ANXA5: variants seen among roughly 807,000 people sequenced by gnomAD.
ANXA5 encodes the protein annexin A5, also known as CBP-I.
Under a neutral mutation model 48.1 loss-of-function variants are expected in ANXA5, and 40 were observed. The observed-to-expected ratio is 0.83, with a 90% CI of 0.65 to 1.08. The LOEUF is 1.08. Ranked by LOEUF, ANXA5 falls within the 50% of genes least tolerant of loss-of-function variation. The pLI is 0.00. For synonymous variants in ANXA5, 113 were observed against 129.1 expected (o/e 0.88, Z 0.85); for missense variants, 357 against 376.8 (o/e 0.95, Z 0.44).
intron 5 of ANXA5, among the ~76,000 whole-genome samples, chr4:121,682,033 A>G (rs1471672741): frequency 2.0e-5 from 3 of 152,200 alleles, no homozygotes; most frequent in Non-Finnish European, 4.4e-5. Flanking sequence ...AACCAGTTAC[A>G]TAAATTTGTA....
At chr4:121,687,907 AT>A (rs1384540989) in intron 2 of ANXA5, among the ~76,000 whole-genome samples, 1 of 152,154 alleles carries the variant, frequency 6.6e-6, no homozygotes, top group African/African-American at 2.4e-5. Context: ...TTTAAGGAGG[AT>A]ACCCCTACTT....
chr4:121,668,482 C>G lies in ANXA5; in HGVS notation c.949G>C (p.Gly317Arg), dbSNP rs750064390. Residue 317 changes from glycine (G) to arginine (R), a missense_variant, in exon 13 of 13, where the codon GGA (glycine) becomes CGA (arginine). Gly to Arg is a moderately radical substitution (Grantham distance 125). Transcript: ENST00000296511. ...DYKKALLLLCGEDD is the reference protein window; with the variant it reads ...DYKKALLLLCREDD ...CCCGTGACACGTTAGTCATCTTCTC[C>G]ACAGAGCAGCAGAAGAGCTTTCTTA... is the stretch of plus-strand genomic sequence containing the variant. 3.7e-6 allele frequency: 6 copies of G among 1,613,390 alleles called. No individual in the cohort carries two copies. In the East Asian group the frequency reaches 1.3e-4, roughly 36 times the overall value.
chr4:121,681,767 T>C lies in ANXA5; in HGVS notation c.304-6A>G, dbSNP rs1247366722. ...TTTTCATTTGTTCCAGCTCCCTGTT[T>C]GGAGATTTTAATAGAGAAAACATGT... On this transcript the variant is annotated splice_region_variant and splice_polypyrimidine_tract_variant and intron_variant, in intron 5 of 12. Transcript: ENST00000296511. 6.2e-7 allele frequency: 1 copy of C among 1,603,132 alleles called. No individual in the cohort carries two copies. The highest frequency in any genetic ancestry group is 1.3e-5 in the African/African-American group (1 of 74,620).
At chr4:121,680,126 A>G (rs770113531) in intron 6 of ANXA5, among the ~76,000 whole-genome samples, 4 of 152,188 alleles carry the variant, frequency 2.6e-5, no homozygotes, top group African/African-American at 4.8e-5. Flanking sequence ...TAGATTCAAC[A>G]TAAGAAGTGA....
At chr4:121,684,986 C>T (rs550850044) in intron 3 of ANXA5, among the ~76,000 whole-genome samples, 209 of 149,768 alleles carry the variant, frequency 1.4e-3, no homozygotes, top group Non-Finnish European at 2.7e-3. Context: ...TCAAGACCTG[C>T]CTGGTCAACA....
At chr4:121,685,898 T>C (rs1724879280) in intron 3 of ANXA5, among the ~76,000 whole-genome samples, 1 of 152,174 alleles carries the variant, frequency 6.6e-6, no homozygotes, top group African/African-American at 2.4e-5. Flanking sequence ...TTCTAGAGAC[T>C]GAATATTAGG....
In ANXA5 at chr4:121,672,564, A is replaced by C; in HGVS notation, c.594T>G (p.Phe198Leu). 6.2e-7 allele frequency: 1 copy of C among 1,613,866 alleles called. No individual in the cohort carries two copies. The highest frequency in any genetic ancestry group is 8.5e-7 in the Non-Finnish European group (1 of 1,179,884). ...GTDEEKFITI[F>L]GTRSVSHLRK... ...TCAAATGAGACACACTTCGTGTTCC[A>C]AAGATGGTGATAAACTTTTCTTCAT... Residue 198 changes from phenylalanine (F) to leucine (L), a missense_variant, in exon 9 of 13, where the codon TTT becomes TTG. By Grantham distance (22) the Phe-to-Leu change is conservative. Coordinates refer to ENST00000296511, the MANE Select transcript of ANXA5 (RefSeq NM_001154.4).
intron 8 of ANXA5, 131 bp downstream of exon 8, chr4:121,677,763 G>A (rs1724721937): frequency 1.0e-5 from 8 of 799,632 alleles, no homozygotes; most frequent in South Asian, 6.6e-5. Context: ...TAGGTCTTAT[G>A]CTATGTAAAT....
intron 7 of ANXA5, 74 bp downstream of exon 7, chr4:121,678,341 C>A: frequency 8.5e-7 from 1 of 1,179,982 alleles, no homozygotes; most frequent in African/African-American, 1.5e-5. Context: ...TTTTAAGTGA[C>A]CTTACTTAAC....
intron 5 of ANXA5, among the ~76,000 whole-genome samples, chr4:121,682,714 C>T (rs1724813499): frequency 6.6e-6 from 1 of 152,136 alleles, no homozygotes; most frequent in African/African-American, 2.4e-5. Context: ...AACATTATTT[C>T]CTTGTTAAAT....
intron 5 of ANXA5, among the ~76,000 whole-genome samples, 183 bp downstream of exon 5, chr4:121,683,181 A>G (rs1724821021): frequency 6.6e-6 from 1 of 152,174 alleles, no homozygotes; most frequent in Non-Finnish European, 1.5e-5. Flanking sequence ...CAAAAAGATG[A>G]AATGACACAC....
rs1246615303 is a variant in ANXA5, at chr4:121,696,852, C to T, written c.-36+11G>A. On this transcript the variant is annotated intron_variant, in intron 1 of 12. Transcript: ENST00000296511. ...CAGAAGGAGCCCCCTCCCCGGGCTG[C>T]GACCACTCACCCAGACTGTGGGACC... The T allele has an allele frequency of 2.9e-6, 1 of 345,762 alleles. No individual in the cohort carries two copies. Among genetic ancestry groups the T allele is most frequent in the Non-Finnish European group, 5.2e-6 (1 of 191,940 alleles). 21.4% of individuals were successfully genotyped at this position (345,762 alleles called of 1,614,324 possible). A position where few individuals can be genotyped will look rare whatever the true frequency, so the allele number is the denominator to read the frequency against.
intron 5 of ANXA5, 43 bp downstream of exon 5, chr4:121,683,309 CAAAACAAAATAA>C: frequency 2.8e-6 from 3 of 1,078,070 alleles, no homozygotes; most frequent in Non-Finnish European, 3.9e-6. Flanking sequence ...AAGTAATTAC[CAAAACAAAATAA>C]TACTATCTAT....
At chr4:121,691,227 C>T (rs911419688) in intron 2 of ANXA5, among the ~76,000 whole-genome samples, 1 of 152,052 alleles carries the variant, frequency 6.6e-6, no homozygotes, top group African/African-American at 2.4e-5. Context: ...TCTTTTAATT[C>T]TCACCTTCAA....
chr4:121,670,817 A>C (rs563332869), intron 10 of ANXA5, among the ~76,000 whole-genome samples: 1 of 152,276 alleles, frequency 6.6e-6, no homozygotes, highest in South Asian at 2.1e-4. Flanking sequence ...ACTCAAGTGA[A>C]AGGCTACTTT....
chr4:121,680,127 TAAG>T (rs1441516432), intron 6 of ANXA5, among the ~76,000 whole-genome samples: 4 of 152,170 alleles, frequency 2.6e-5, no homozygotes, highest in African/African-American at 7.2e-5. Context: ...AGATTCAACA[TAAG>T]AAGTGAGATC....
In ANXA5 at chr4:121,671,618, G is replaced by C. The variant is rs767698464; in HGVS notation, c.650C>G (p.Ser217Ter). Residue 217 changes from serine to a stop codon, truncating the protein, a stop_gained, in exon 10 of 13, where the codon TCA becomes TGA. Transcript: ENST00000296511. LOFTEE classifies it high-confidence loss of function. The stretch of plus-strand genomic sequence containing the variant: ...AATGGTTTCCTCAATTTGAAATCCT[G>C]ATATAGTCATGTACTTGTCAAACAC... ...RKVFDKYMTI[S>*]GFQIEETIDR... The C allele has an allele frequency of 2.5e-6, 4 of 1,612,500 alleles. No homozygotes were observed. Among genetic ancestry groups the C allele is most frequent in the Non-Finnish European group, 3.4e-6 (4 of 1,178,808 alleles).
intron 3 of ANXA5, 23 bp downstream of exon 3, chr4:121,686,265 T>C (rs748087669): frequency 6.3e-7 from 1 of 1,575,796 alleles, no homozygotes; most frequent in Admixed American, 1.7e-5. Context: ...ACATTTGCTT[T>C]AGAAAGAGGA....
chr4:121,680,265 GTC>G (rs1449591692), intron 6 of ANXA5, among the ~76,000 whole-genome samples: 2 of 151,798 alleles, frequency 1.3e-5, no homozygotes, highest in Admixed American at 6.6e-5. Flanking sequence ...GTGTGTGTGT[GTC>G]TGTGTTTGTG....
Sources: allele counts gnomAD v4.1 joint callset (sites outside exome capture counted in the v4.1 genomes callset), GRCh38; gene constraint gnomAD v4.1.1; transcripts MANE v1.5; gene names NCBI Gene and HGNC (gene_info 2026-07-23, HGNC 2026-07-21).